MCU: variants seen among roughly 807,000 people sequenced by gnomAD.
MCU encodes the protein mitochondrial calcium uniporter, also known as calcium uniporter protein, mitochondrial.
A neutral mutation model predicts 45.2 loss-of-function variants in MCU; 12 were observed. The observed-to-expected ratio is 0.27, with a 90% confidence interval of 0.17 to 0.43. The LOEUF is 0.43. MCU is among the 20% of genes least tolerant of loss of function. The pLI is 1.00. For missense variants in MCU, 324 were observed against 436.7 expected (o/e 0.74, Z 2.30); for synonymous variants, 160 against 165.1 (o/e 0.97, Z 0.24).
intron 4 of MCU, among the ~76,000 whole-genome samples, chr10:72,866,609 C>A (rs1407658608): frequency 1.3e-5 from 2 of 151,978 alleles, no homozygotes; most frequent in Non-Finnish European, 2.9e-5. Context: ...GTTGGCCGAG[C>A]TGGTCTCGAA....
chr10:72,747,168 C>G (rs1384053118), intron 1 of MCU, among the ~76,000 whole-genome samples: 2 of 152,214 alleles, frequency 1.3e-5, no homozygotes, highest in African/African-American at 2.4e-5. Flanking sequence ...CACTCCTTCT[C>G]TGTTGCCATG....
chr10:72,714,839 C>T (rs1564536469), intron 1 of MCU, among the ~76,000 whole-genome samples: 1 of 152,168 alleles, frequency 6.6e-6, no homozygotes, highest in Admixed American at 6.5e-5. Flanking sequence ...AGCCACTGCG[C>T]CCTGCCCAAA....
chr10:72,876,283 C>T (rs558908454), intron 6 of MCU, among the ~76,000 whole-genome samples: 2 of 152,302 alleles, frequency 1.3e-5, no homozygotes, highest in South Asian at 4.1e-4. Context: ...CCTTTGACCT[C>T]ATCCAGACCT....
chr10:72,725,328 G>C (rs1390675811), intron 1 of MCU, among the ~76,000 whole-genome samples: 1 of 151,892 alleles, frequency 6.6e-6, no homozygotes, highest in African/African-American at 2.4e-5. Context: ...GGGTTTCACC[G>C]CGTTAGCCAG....
chr10:72,737,132 T>C (rs1465029999), intron 1 of MCU, among the ~76,000 whole-genome samples: 1 of 152,224 alleles, frequency 6.6e-6, no homozygotes, highest in Non-Finnish European at 1.5e-5. Context: ...AGTTTGATAC[T>C]ATAGCGGTTG....
chr10:72,866,281 C>T (rs1845455391), intron 4 of MCU, among the ~76,000 whole-genome samples: 1 of 152,046 alleles, frequency 6.6e-6, no homozygotes, highest in South Asian at 2.1e-4. Flanking sequence ...GGATGACATT[C>T]ATTGAATAAG....
intron 1 of MCU, among the ~76,000 whole-genome samples, chr10:72,779,724 A>G (rs1212070016): frequency 1.3e-5 from 2 of 152,230 alleles, no homozygotes; most frequent in African/African-American, 2.4e-5. Flanking sequence ...GAAAACCACA[A>G]TGAAATACCA....
chr10:72,734,893 A>G (rs573528746), intron 1 of MCU, among the ~76,000 whole-genome samples: 53 of 151,926 alleles, frequency 3.5e-4, no homozygotes, highest in Non-Finnish European at 6.2e-4. Context: ...TTGGCATTAC[A>G]GGTGTGACCC....
intron 1 of MCU, among the ~76,000 whole-genome samples, chr10:72,828,916 A>G (rs913235715): frequency 1.3e-5 from 2 of 152,174 alleles, no homozygotes; most frequent in Non-Finnish European, 2.9e-5. Flanking sequence ...ATTTTCCTTA[A>G]AGTTCTCAAG....
intron 1 of MCU, among the ~76,000 whole-genome samples, chr10:72,774,097 G>A (rs1843853793): frequency 6.6e-6 from 1 of 152,076 alleles, no homozygotes; most frequent in Non-Finnish European, 1.5e-5. Flanking sequence ...AAGTACACAG[G>A]CAAATACAGA....
intron 6 of MCU, among the ~76,000 whole-genome samples, chr10:72,875,445 C>G (rs941096024): frequency 6.6e-6 from 1 of 152,162 alleles, no homozygotes; most frequent in African/African-American, 2.4e-5. Context: ...AATAGTCTTG[C>G]TGCCCCCAAG....
chr10:72,851,755 A>C (rs1380573177), intron 2 of MCU, among the ~76,000 whole-genome samples: 1 of 152,150 alleles, frequency 6.6e-6, no homozygotes, highest in Non-Finnish European at 1.5e-5. Flanking sequence ...CTTACATCTT[A>C]GCAGAATTCA....
chr10:72,752,347 C>G (rs540271406), intron 1 of MCU, among the ~76,000 whole-genome samples: 1 of 151,482 alleles, frequency 6.6e-6, no homozygotes, highest in Non-Finnish European at 1.5e-5. Flanking sequence ...CTGCCTGCCT[C>G]GGCCTCCCAG....
chr10:72,832,214 G>A (rs141860218), intron 1 of MCU, among the ~76,000 whole-genome samples: 5 of 152,068 alleles, frequency 3.3e-5, no homozygotes, highest in African/African-American at 9.7e-5. Context: ...GATTACCGGC[G>A]TGAACTACCA....
intron 1 of MCU, among the ~76,000 whole-genome samples, chr10:72,833,223 G>T (rs1844905606): frequency 6.6e-6 from 1 of 152,092 alleles, no homozygotes; most frequent in Admixed American, 6.5e-5. Context: ...CACTGTATGG[G>T]ACAGCTATGT....
chr10:72,784,268 G>GT (rs1360755914), intron 1 of MCU, among the ~76,000 whole-genome samples: 1 of 152,180 alleles, frequency 6.6e-6, no homozygotes, highest in Middle Eastern at 3.2e-3. Context: ...CAAAGGCTTT[G>GT]TTTTTTCAGA....
rs181850161 is a variant in MCU, at chr10:72,824,504, C to T, written c.151-9855C>T. Among the ~76,000 whole-genome samples, 141 of 152,070 alleles carry T rather than the reference C, an allele frequency of 9.3e-4. 1 individual carries two copies. The highest frequency in any genetic ancestry group is 1.4e-3 in the East Asian group (7 of 5,174). On this transcript the variant is annotated intron_variant, in intron 1 of 7. Coordinates refer to ENST00000373053, the MANE Select transcript of MCU (RefSeq NM_138357.3). ...GATTACAGGCGTGAGGCACCGCGCC[C>T]GGCCCATGATGTCTATTTTTCCAGT...
chr10:72,792,540 G>T (rs1844177627), intron 1 of MCU, among the ~76,000 whole-genome samples: 1 of 152,136 alleles, frequency 6.6e-6, no homozygotes, highest in Non-Finnish European at 1.5e-5. Flanking sequence ...CCTGCCAGTG[G>T]ATCAGTTCCC....
chr10:72,827,337 C>T (rs993462410), intron 1 of MCU, among the ~76,000 whole-genome samples: 1 of 152,128 alleles, frequency 6.6e-6, no homozygotes, highest in Admixed American at 6.5e-5. Context: ...CAATACAACA[C>T]GGAATGCATT....
Sources: allele counts gnomAD v4.1 joint callset (sites outside exome capture counted in the v4.1 genomes callset), GRCh38; gene constraint gnomAD v4.1.1; transcripts MANE v1.5; gene names NCBI Gene and HGNC (gene_info 2026-07-23, HGNC 2026-07-21).